LEF1: variants seen among roughly 807,000 people sequenced by gnomAD.
LEF1 encodes the protein lymphoid enhancer binding factor 1.
LEF1 carries 14 observed loss-of-function variants against 51.2 expected under a neutral mutation model. The ratio of observed to expected loss-of-function variants is 0.27; its 90% CI spans 0.18 to 0.43. The LOEUF (loss-of-function observed/expected upper bound fraction) is 0.43. LEF1 is among the 20% of genes least tolerant of loss of function. The pLI is 1.00. For missense variants in LEF1, 386 were observed against 512.0 expected (o/e 0.75, Z 2.37); for synonymous variants, 185 against 183.2 (o/e 1.01, Z -0.08).
intron 4 of LEF1, among the ~76,000 whole-genome samples, chr4:108,087,940 A>G (rs1458729197): frequency 6.6e-6 from 1 of 152,074 alleles, no homozygotes; most frequent in Non-Finnish European, 1.5e-5. Flanking sequence ...GAACATTCCT[A>G]ATTTGTTGGA....
chr4:108,129,249 C>G (rs1742722608), intron 3 of LEF1, among the ~76,000 whole-genome samples: 1 of 152,256 alleles, frequency 6.6e-6, no homozygotes, highest in African/African-American at 2.4e-5. Flanking sequence ...TTGTTTCTAC[C>G]ATAAAATGTA....
chr4:108,057,159 C>A lies in LEF1; in HGVS notation c.*6+6464G>T, dbSNP rs146587724. 5.9e-5 allele frequency among the ~76,000 whole-genome samples: 9 copies of A among 152,130 alleles called. No individual in the cohort carries two copies. The East Asian group carries it at 1.7e-3, about 30-fold the overall frequency. ...TTTGGTAACAATTCTAGCTGAGGTGCTTTCTAAATATGTTACAAAAGATAA... is the reference window on the plus strand; with the variant it reads ...TTTGGTAACAATTCTAGCTGAGGTGATTTCTAAATATGTTACAAAAGATAA... On this transcript the variant is annotated intron_variant, in intron 11 of 11. Transcript: ENST00000265165.
chr4:108,146,723 TTTTTTG>T lies in LEF1; in HGVS notation c.414+16839_414+16844del, dbSNP rs1341674258. 1.4e-4 allele frequency among the ~76,000 whole-genome samples: 21 copies of T among 152,266 alleles called. No homozygotes were observed. The South Asian group carries it at 2.5e-3, about 18-fold the overall frequency. ...TCAATATCCTAAAAACTCCGACAAGTTTTTTGTTTTTGTTTTTTGATCTTCATGTTA... is the reference window on the plus strand; with the variant it reads ...TCAATATCCTAAAAACTCCGACAAGTTTTTTGTTTTTTGATCTTCATGTTA... On this transcript the variant is annotated intron_variant, in intron 3 of 11. Coordinates refer to ENST00000265165, the MANE Select transcript of LEF1 (RefSeq NM_016269.5).
intron 3 of LEF1, among the ~76,000 whole-genome samples, chr4:108,099,564 G>GTATATATATA (rs1553953072): frequency 1.5e-4 from 9 of 59,314 alleles, no homozygotes; most frequent in East Asian, 1.4e-3. Flanking sequence ...GTATGTGTGT[G>GTATATATATA]TGTGTGTATA....
chr4:108,139,342 G>A (rs921257657), intron 3 of LEF1, among the ~76,000 whole-genome samples: 33 of 152,240 alleles, frequency 2.2e-4, no homozygotes, highest in Non-Finnish European at 4.4e-4. Context: ...GGAAAGTTAT[G>A]ATGGTTTTAG....
intron 9 of LEF1, among the ~76,000 whole-genome samples, chr4:108,066,189 T>C (rs571848342): frequency 3.9e-5 from 6 of 152,206 alleles, no homozygotes; most frequent in Non-Finnish European, 5.9e-5. Context: ...AAAGGTGCTC[T>C]GGGGACAGGG....
At chr4:108,070,431 T>C in intron 9 of LEF1, 1 of 341,064 alleles carries the variant, frequency 2.9e-6, no homozygotes, top group Non-Finnish European at 5.2e-6. Flanking sequence ...AGGTATTAGT[T>C]TATTTCAAAA....
intron 3 of LEF1, among the ~76,000 whole-genome samples, chr4:108,133,037 A>G (rs1578381463): frequency 6.6e-6 from 1 of 151,848 alleles, no homozygotes; most frequent in East Asian, 1.9e-4. Flanking sequence ...GCAGTGGTGC[A>G]GTCTCGGCTC....
chr4:108,063,683 T>C lies in LEF1; in HGVS notation c.1166-20A>G. 6.4e-7 allele frequency: 1 copy of C among 1,569,640 alleles called. No individual in the cohort carries two copies. The highest frequency in any genetic ancestry group is 8.6e-7 in the Non-Finnish European group (1 of 1,158,124). On this transcript the variant is annotated intron_variant, in intron 10 of 11. Transcript: ENST00000265165. ...CTGTACCTGCAGAAAATTGTGTCTTTAACAAATTTTTATTGAAGAGGTTTT... is the reference window on the plus strand; with the variant it reads ...CTGTACCTGCAGAAAATTGTGTCTTCAACAAATTTTTATTGAAGAGGTTTT...
At chr4:108,141,625 G>T (rs532027773) in intron 3 of LEF1, among the ~76,000 whole-genome samples, 1 of 152,244 alleles carries the variant, frequency 6.6e-6, no homozygotes, top group East Asian at 1.9e-4. Flanking sequence ...CTCCATCTAG[G>T]AGGAGGCAGC....
chr4:108,069,372 TAA>T (rs1025338185), intron 9 of LEF1, among the ~76,000 whole-genome samples: 3 of 151,354 alleles, frequency 2.0e-5, no homozygotes, highest in Admixed American at 6.6e-5. Flanking sequence ...CTCTATAAAA[TAA>T]AAGTCTTTGC....
At chr4:108,086,610 T>A (rs1739661925) in intron 4 of LEF1, among the ~76,000 whole-genome samples, 1 of 152,188 alleles carries the variant, frequency 6.6e-6, no homozygotes, top group African/African-American at 2.4e-5. Context: ...AGAATAGGAC[T>A]GTTGTGAAGA....
intron 11 of LEF1, among the ~76,000 whole-genome samples, chr4:108,054,324 G>A (rs1297393808): frequency 6.6e-6 from 1 of 152,258 alleles, no homozygotes; most frequent in Non-Finnish European, 1.5e-5. Flanking sequence ...CAGACGCCCT[G>A]AAGCAGCGTA....
At chr4:108,157,157 T>A in intron 3 of LEF1, among the ~76,000 whole-genome samples, 1 of 65,720 alleles carries the variant, frequency 1.5e-5, no homozygotes, top group South Asian at 8.1e-4. Flanking sequence ...ATTCTCTCTC[T>A]CTCTCTCTCT....
At chr4:108,094,372 A>G (rs1740243057) in intron 3 of LEF1, among the ~76,000 whole-genome samples, 2 of 152,216 alleles carry the variant, frequency 1.3e-5, no homozygotes, top group Admixed American at 1.3e-4. Context: ...CCTCTTTGGC[A>G]TCACAGCCAA....
intron 11 of LEF1, 96 bp from the exon 12 acceptor site, chr4:108,048,847 T>C: frequency 1.4e-6 from 1 of 738,094 alleles, no homozygotes. Flanking sequence ...TTACAACCTC[T>C]GCATTTAATT....
intron 3 of LEF1, among the ~76,000 whole-genome samples, chr4:108,143,572 G>A (rs180948008): frequency 6.6e-6 from 1 of 152,248 alleles, no homozygotes; most frequent in African/African-American, 2.4e-5. Context: ...CTCTTGCAAA[G>A]TAACAAGCAA....
intron 8 of LEF1, among the ~76,000 whole-genome samples, chr4:108,077,732 C>T (rs1418961376): frequency 6.6e-6 from 1 of 151,310 alleles, no homozygotes; most frequent in East Asian, 1.9e-4. Context: ...CCGGCTGCTG[C>T]CCCATCTGGG....
intron 11 of LEF1, among the ~76,000 whole-genome samples, chr4:108,050,552 C>A (rs1052429017): frequency 2.0e-5 from 3 of 152,310 alleles, no homozygotes; most frequent in Admixed American, 2.0e-4. Context: ...CTAGCAGAGC[C>A]TGGGGTGGGA....
Sources: allele counts gnomAD v4.1 joint callset (sites outside exome capture counted in the v4.1 genomes callset), GRCh38; gene constraint gnomAD v4.1.1; transcripts MANE v1.5; gene names NCBI Gene and HGNC (gene_info 2026-07-23, HGNC 2026-07-21).